PUDP: variants seen among roughly 807,000 people sequenced by gnomAD.
PUDP encodes the protein pseudouridine 5'-phosphatase.
PUDP carries 8 observed loss-of-function variants against 9.4 expected under a neutral mutation model. That is an observed-to-expected ratio of 0.85 (90% CI 0.50 to 1.53). The LOEUF is 1.53. Ranked by LOEUF, PUDP falls within the 40% of genes most tolerant of loss-of-function variation. PUDP has a pLI of 0.00. For synonymous variants in PUDP, 99 were observed against 80.7 expected, an observed-to-expected ratio of 1.23 and a Z score of -1.22; for missense variants, 188 against 189.7, an observed-to-expected ratio of 0.99 and a Z score of 0.05.
At chrX:6,984,784 A>C (rs1929082859) in intron 1 of PUDP, among the ~76,000 whole-genome samples, 1 of 111,645 alleles carries the variant, frequency 9.0e-6, no homozygotes, top group South Asian at 3.8e-4. Flanking sequence ...AATTTTATCT[A>C]AGGATTCACG....
In PUDP at chrX:6,975,515, C is replaced by G. The variant is rs750339419; in HGVS notation, c.*247+1618G>C. Among the ~76,000 whole-genome samples the G allele has an allele frequency of 1.8e-5, 2 of 111,079 alleles. 1 individual carries two copies. Among genetic ancestry groups the G allele is most frequent in the Non-Finnish European group, 3.8e-5 (2 of 52,987 alleles). On this transcript the variant is annotated intron_variant and NMD_transcript_variant, in intron 3 of 3. Transcript: ENST00000655425. The stretch of plus-strand genomic sequence containing the variant: ...GTTTGCTGGAGGTCCACTCCAGACC[C>G]TATTTGCCTGGGTATCACCAGTGGA...
At chrX:6,757,978 T>C (rs1202215958) in intron 3 of PUDP, among the ~76,000 whole-genome samples, 1 of 112,249 alleles carries the variant, frequency 8.9e-6, no homozygotes, top group Admixed American at 9.5e-5. Context: ...TTCCCTCAAA[T>C]GGATATCGTT....
chrX:6,794,062 G>C (rs186759343), intron 3 of PUDP, among the ~76,000 whole-genome samples: 159 of 111,791 alleles, frequency 1.4e-3, no homozygotes, highest in Non-Finnish European at 1.4e-3. Context: ...CAAAAACCTA[G>C]CTGTTAGAGG....
At chrX:6,896,842 C>A (rs952907340) in intron 3 of PUDP, among the ~76,000 whole-genome samples, 2 of 111,421 alleles carry the variant, frequency 1.8e-5, no homozygotes, top group African/African-American at 6.5e-5. Context: ...TGTGGCGGGA[C>A]AGAAGACTGC....
chrX:6,889,432 C>T (rs1320728114), intron 3 of PUDP, among the ~76,000 whole-genome samples: 2 of 111,582 alleles, frequency 1.8e-5, no homozygotes, highest in African/African-American at 3.3e-5. Context: ...CCTCCCAAAG[C>T]GCTGAGATTA....
At chrX:6,850,114 A>G (rs947415319) in intron 3 of PUDP, among the ~76,000 whole-genome samples, 1 of 97,851 alleles carries the variant, frequency 1.0e-5, no homozygotes, top group Non-Finnish European at 2.0e-5. Context: ...GACATAAATT[A>G]AAAAAAAAAA....
At chrX:6,817,241 T>A (rs1926266509) in intron 3 of PUDP, among the ~76,000 whole-genome samples, 1 of 108,705 alleles carries the variant, frequency 9.2e-6, no homozygotes, top group South Asian at 4.0e-4. Flanking sequence ...CATGCCCAGA[T>A]AATTTTATTT....
intron 3 of PUDP, among the ~76,000 whole-genome samples, chrX:6,796,205 A>G (rs1299146036): frequency 8.9e-6 from 1 of 112,157 alleles, no homozygotes; most frequent in Non-Finnish European, 1.9e-5. Flanking sequence ...GAAGGCCCCA[A>G]GTGGACAGCC....
At chrX:6,966,120 T>C (rs1300326069) in intron 3 of PUDP, among the ~76,000 whole-genome samples, 1 of 111,304 alleles carries the variant, frequency 9.0e-6, no homozygotes, top group East Asian at 2.8e-4. Flanking sequence ...GGCTGTACTC[T>C]TCCAGGAAAT....
At chrX:7,117,336 C>G (rs1034011270) in intron 1 of PUDP, among the ~76,000 whole-genome samples, 11 of 112,143 alleles carry the variant, frequency 9.8e-5, no homozygotes, top group Non-Finnish European at 2.1e-4. Context: ...TCCAGGCCAA[C>G]AAGGTCTCAC....
At chrX:7,125,196 C>A (rs1454332048) in intron 1 of PUDP, among the ~76,000 whole-genome samples, 3 of 111,045 alleles carry the variant, frequency 2.7e-5, no homozygotes, top group Non-Finnish European at 5.7e-5. Flanking sequence ...GAAAACAAAC[C>A]CCAGCATGCT....
intron 3 of PUDP, among the ~76,000 whole-genome samples, chrX:6,782,654 A>T (rs1367746885): frequency 8.9e-6 from 1 of 112,339 alleles, no homozygotes; most frequent in Non-Finnish European, 1.9e-5. Flanking sequence ...GGCCTCCACC[A>T]TACGATTGGT....
At chrX:6,723,258 G>T (rs370007750), upstream of PUDP, among the ~76,000 whole-genome samples, 1 of 80,680 alleles carries the variant, frequency 1.2e-5, no homozygotes, top group Non-Finnish European at 2.3e-5. Context: ...CTCTAAAAAC[G>T]AACAAAAAAC....
At position 7,130,632 on chromosome X, in the gene PUDP, G is replaced by A. The variant is rs963656173; in HGVS notation, c.61+17421C>T. ...AGTTTGAGACCAGCTTGGGCAACAT[G>A]GCAAAACCCCATCTCTACTAAAAAT... On this transcript the variant is annotated intron_variant, in intron 1 of 3. Transcript: ENST00000381077. 2.7e-5 allele frequency among the ~76,000 whole-genome samples: 3 copies of A among 110,905 alleles called. No homozygotes were observed. The East Asian group carries it at 8.5e-4, about 32-fold the overall frequency.
At chrX:7,131,683 G>A in intron 1 of PUDP, among the ~76,000 whole-genome samples, 1 of 108,780 alleles carries the variant, frequency 9.2e-6, no homozygotes, top group East Asian at 2.9e-4. Flanking sequence ...AATGGCAACA[G>A]CCTTCTACCA....
intron 3 of PUDP, among the ~76,000 whole-genome samples, chrX:6,854,262 A>T (rs1228470911): frequency 8.9e-6 from 1 of 111,879 alleles, no homozygotes; most frequent in East Asian, 2.8e-4. Context: ...ATCCCAGAGC[A>T]ATTGTGATGC....
intron 3 of PUDP, among the ~76,000 whole-genome samples, chrX:6,804,054 A>C (rs967547144): frequency 9.0e-6 from 1 of 111,715 alleles, no homozygotes; most frequent in Non-Finnish European, 1.9e-5. Flanking sequence ...AGACATTTAG[A>C]AAAGCATGGT....
chrX:7,147,649 G>A (rs898802850), intron 1 of PUDP, among the ~76,000 whole-genome samples: 4 of 112,202 alleles, frequency 3.6e-5, no homozygotes, highest in Non-Finnish European at 7.5e-5. Flanking sequence ...CTGAGGCTGG[G>A]CACCGCTCAA....
chrX:6,821,513 CT>C (rs1427671491), intron 3 of PUDP, among the ~76,000 whole-genome samples: 2 of 111,371 alleles, frequency 1.8e-5, no homozygotes, highest in Non-Finnish European at 3.8e-5. Flanking sequence ...TCACCTTCCC[CT>C]CATCCTTCTC....
Sources: allele counts gnomAD v4.1 joint callset (sites outside exome capture counted in the v4.1 genomes callset), GRCh38; gene constraint gnomAD v4.1.1; transcripts MANE v1.5; gene names NCBI Gene and HGNC (gene_info 2026-07-23, HGNC 2026-07-21).